The following CREB5 variants were observed in gnomAD, a reference collection of about 807,000 sequenced individuals.
CREB5 encodes the protein cAMP responsive element binding protein 5, also known as cyclic AMP-responsive element-binding protein 5.
In CREB5, 19 loss-of-function variants were observed where a neutral mutation model predicts 57.1. The ratio of observed to expected loss-of-function variants is 0.33; its 90% confidence interval spans 0.23 to 0.49. The LOEUF (loss-of-function observed/expected upper bound fraction) is 0.49, where lower values mean the gene tolerates loss of function less well. CREB5 is among the 20% of genes least tolerant of loss of function. The pLI is 0.99. For synonymous variants in CREB5, 238 were observed against 238.3 expected (o/e 1.00, Z 0.01); for missense variants, 579 against 671.6 (o/e 0.86, Z 1.52).
chr7:28,481,944 A>G (rs976353220), intron 1 of CREB5, among the ~76,000 whole-genome samples: 3 of 152,232 alleles, frequency 2.0e-5, no homozygotes, highest in African/African-American at 7.2e-5. Flanking sequence ...ATTTTCTTGG[A>G]CTGAAATTCA....
intron 1 of CREB5, among the ~76,000 whole-genome samples, chr7:28,453,027 A>G (rs554469698): frequency 2.4e-4 from 37 of 152,358 alleles, no homozygotes; most frequent in Non-Finnish European, 3.2e-4. Context: ...TGTTGGCAAC[A>G]CTGATTTTCC....
chr7:28,634,745 T>C (rs1324493068), intron 5 of CREB5, among the ~76,000 whole-genome samples: 11 of 152,224 alleles, frequency 7.2e-5, no homozygotes, highest in Admixed American at 7.2e-4. Flanking sequence ...TCCCTTACTT[T>C]CTAGCTCTGG....
intron 4 of CREB5, among the ~76,000 whole-genome samples, chr7:28,561,636 A>G (rs1347248051): frequency 1.3e-5 from 2 of 152,258 alleles, no homozygotes; most frequent in African/African-American, 4.8e-5. Flanking sequence ...ATTTACTTGC[A>G]GAATAATTGA....
rs529468605 is a variant in CREB5 at position 28,416,226 on chromosome 7, T to C, written c.3+3309T>C. Among the ~76,000 whole-genome samples the C allele has an allele frequency of 5.9e-5, 9 of 152,310 alleles. No individual in the cohort carries two copies. In the South Asian group the frequency reaches 1.9e-3, roughly 32 times the overall value. On this transcript the variant is annotated intron_variant, in intron 1 of 10. Coordinates refer to ENST00000357727, the MANE Select transcript of CREB5 (RefSeq NM_182898.4). The stretch of plus-strand genomic sequence containing the variant: ...ATTCAGGTCTCTTTTTATTCTTTTA[T>C]TACACTGAGGAGCTCCTGTGTTGCA...
At chr7:28,304,980 C>T (rs1325280083) in intron 1 of CREB5, among the ~76,000 whole-genome samples, 1 of 152,100 alleles carries the variant, frequency 6.6e-6, no homozygotes, top group Non-Finnish European at 1.5e-5. Context: ...TCATAGTTCC[C>T]AAATTTGCAA....
At chr7:28,394,297 T>C (rs1335291053) in intron 1 of CREB5, among the ~76,000 whole-genome samples, 1 of 151,750 alleles carries the variant, frequency 6.6e-6, no homozygotes, top group Non-Finnish European at 1.5e-5. Context: ...GGGTAATGAA[T>C]AGAAAACAGT....
chr7:28,654,005 A>C (rs971539472), intron 5 of CREB5, among the ~76,000 whole-genome samples: 12 of 152,202 alleles, frequency 7.9e-5, no homozygotes, highest in African/African-American at 2.9e-4. Context: ...ATATAGGAGC[A>C]TGTGGATTTT....
intron 5 of CREB5, among the ~76,000 whole-genome samples, chr7:28,633,369 ATG>A (rs3041195): frequency 0.31 from 46,545 of 150,786 alleles, 7,587 homozygotes; most frequent in African/African-American, 0.42. Flanking sequence ...TCAATCATTC[ATG>A]TGTGTGTGTG....
chr7:28,603,518 G>A (rs572139670), intron 5 of CREB5, among the ~76,000 whole-genome samples: 60 of 152,280 alleles, frequency 3.9e-4, no homozygotes, highest in Non-Finnish European at 5.9e-5. Flanking sequence ...TCAACCAGAT[G>A]CAGAACAAAG....
chr7:28,410,416 T>C, upstream of CREB5: 1 of 456,684 alleles, frequency 2.2e-6, no homozygotes, highest in South Asian at 1.5e-5. Flanking sequence ...CTCGGCAGAA[T>C]CACTTGAACT....
intron 1 of CREB5, among the ~76,000 whole-genome samples, chr7:28,440,932 G>C (rs982943022): frequency 1.3e-5 from 2 of 152,092 alleles, no homozygotes; most frequent in African/African-American, 4.8e-5. Context: ...GGGTGCATTG[G>C]GATATATAAT....
At chr7:28,767,999 C>G (rs1239650245) in intron 7 of CREB5, among the ~76,000 whole-genome samples, 2 of 152,142 alleles carry the variant, frequency 1.3e-5, no homozygotes, top group Non-Finnish European at 2.9e-5. Flanking sequence ...GAAAATTGGT[C>G]TAAGATCCCC....
At chr7:28,569,778 C>G (rs754516617) in intron 4 of CREB5, among the ~76,000 whole-genome samples, 3 of 152,234 alleles carry the variant, frequency 2.0e-5, no homozygotes, top group Non-Finnish European at 4.4e-5. Flanking sequence ...AGCGGCAACT[C>G]TTATTCTGAT....
intron 1 of CREB5, among the ~76,000 whole-genome samples, chr7:28,431,373 G>A (rs1389636949): frequency 1.3e-5 from 2 of 152,064 alleles, no homozygotes; most frequent in Non-Finnish European, 2.9e-5. Flanking sequence ...TATTTGAAAC[G>A]AAAGAAATAA....
chr7:28,519,425 G>A lies in CREB5; in HGVS notation c.291+11688G>A, dbSNP rs542963090. Among the ~76,000 whole-genome samples the A allele has an allele frequency of 9.8e-5, 15 of 152,312 alleles. No individual in the cohort carries two copies. The East Asian group carries it at 2.5e-3, about 25-fold the overall frequency. On this transcript the variant is annotated intron_variant, in intron 4 of 10. Transcript: ENST00000357727. ...GTTCAATCCAACACCAGCTTTAACA[G>A]ATAATTGCTATCAAAGTATAACTAC...
intron 1 of CREB5, among the ~76,000 whole-genome samples, chr7:28,342,837 G>T (rs1190734800): frequency 2.6e-5 from 4 of 152,170 alleles, no homozygotes; most frequent in African/African-American, 9.7e-5. Context: ...TGTATACATT[G>T]TGTAATGATC....
At chr7:28,670,565 A>G (rs765340596) in intron 5 of CREB5, among the ~76,000 whole-genome samples, 1 of 152,258 alleles carries the variant, frequency 6.6e-6, no homozygotes, top group Non-Finnish European at 1.5e-5. Flanking sequence ...CCAAAATAAT[A>G]TAAACATATT....
chr7:28,504,615 A>G (rs62449887), intron 3 of CREB5, among the ~76,000 whole-genome samples: 41,172 of 152,142 alleles, frequency 0.27, 6,960 homozygotes, highest in Non-Finnish European at 0.36. Flanking sequence ...GTAACTTTTG[A>G]GTTTGAGAGT....
At chr7:28,384,605 A>C (rs1787045832) in intron 1 of CREB5, among the ~76,000 whole-genome samples, 1 of 152,046 alleles carries the variant, frequency 6.6e-6, no homozygotes, top group Admixed American at 6.6e-5. Context: ...AAAACCCAAA[A>C]GATAGATTAT....
Sources: gnomAD v4.1 joint callset for allele counts (sites outside exome capture counted in the v4.1 genomes callset) on GRCh38, gnomAD v4.1.1 for gene constraint, MANE v1.5 for transcripts, NCBI Gene and HGNC (gene_info 2026-07-23, HGNC 2026-07-21) for gene names.